Variants in BRINP1 observed in about 807,000 individuals in gnomAD.
BRINP1 encodes BMP/retinoic acid inducible neural specific 1.
BRINP1 carries 17 observed loss-of-function variants against 72.9 expected under a neutral mutation model. The ratio of observed to expected loss-of-function variants is 0.23; its 90% CI spans 0.16 to 0.35. The LOEUF (loss-of-function observed/expected upper bound fraction) is 0.35, where lower values mean the gene tolerates loss of function less well. Among genes scored for constraint, BRINP1 ranks in the 10% least tolerant of loss-of-function variants. The pLI is 1.00. For missense variants in BRINP1, 850 were observed against 1,001.6 expected, an observed-to-expected ratio of 0.85 and a Z score of 2.04; for synonymous variants, 418 against 378.5, an observed-to-expected ratio of 1.10 and a Z score of -1.21.
In BRINP1 at chr9:119,239,217, C is replaced by T. The variant is rs544829654; in HGVS notation, c.580-457G>A. ...TGAGACCAGGTACGATGGGTCTAAA[C>T]GCCTGGCACATGGCATGTGTTCCAT... On this transcript the variant is annotated intron_variant, in intron 4 of 7. Transcript: ENST00000265922. Among the ~76,000 whole-genome samples the T allele has an allele frequency of 1.2e-3, 182 of 152,290 alleles. 1 individual carries two copies. The Middle Eastern group carries it at 0.014, about 11-fold the overall frequency.
chr9:119,282,593 G>T (rs1261172838), intron 2 of BRINP1, among the ~76,000 whole-genome samples: 1 of 152,182 alleles, frequency 6.6e-6, no homozygotes, highest in Non-Finnish European at 1.5e-5. Context: ...ACAAATTAAA[G>T]AAGAGTAGCA....
In BRINP1 at chr9:119,316,941, A is replaced by C. The variant is rs143310746; in HGVS notation, c.-50-3536T>G. 1.1e-3 allele frequency among the ~76,000 whole-genome samples: 165 copies of C among 149,146 alleles called. 2 individuals carry two copies. Among genetic ancestry groups the C allele is most frequent in the African/African-American group, 4.1e-3 (159 of 38,626 alleles). ...CCCCGCCTCTACTAAAAATACAAAA[A>C]TTAGCTGGGCATGGTGGTGCGCACC... On this transcript the variant is annotated intron_variant, in intron 1 of 7. Coordinates refer to ENST00000265922, the MANE Select transcript of BRINP1 (RefSeq NM_014618.3).
At chr9:119,237,580 TCTCAATC>T (rs1830204664) in intron 5 of BRINP1, among the ~76,000 whole-genome samples, 1 of 151,890 alleles carries the variant, frequency 6.6e-6, no homozygotes, top group African/African-American at 2.4e-5. Context: ...GCCAGGATGG[TCTCAATC>T]TCCTGACCTC....
chr9:119,206,789 C>G (rs1434216595), intron 7 of BRINP1, among the ~76,000 whole-genome samples: 1 of 152,150 alleles, frequency 6.6e-6, no homozygotes, highest in Non-Finnish European at 1.5e-5. Flanking sequence ...CGATGCAGGT[C>G]TCATGGCAGA....
At chr9:119,193,384 C>G (rs781726709) in intron 7 of BRINP1, among the ~76,000 whole-genome samples, 1 of 151,890 alleles carries the variant, frequency 6.6e-6, no homozygotes, top group Non-Finnish European at 1.5e-5. Flanking sequence ...AGCTCAAATA[C>G]ACAGAGACAG....
chr9:119,362,177 T>C (rs1469150349), intron 1 of BRINP1, among the ~76,000 whole-genome samples: 1 of 151,394 alleles, frequency 6.6e-6, no homozygotes, highest in Non-Finnish European at 1.5e-5. Flanking sequence ...AGCTGGGCCC[T>C]TCTCAATTTA....
intron 1 of BRINP1, among the ~76,000 whole-genome samples, chr9:119,358,530 C>A (rs1831595310): frequency 6.6e-6 from 1 of 152,024 alleles, no homozygotes; most frequent in South Asian, 2.1e-4. Flanking sequence ...CCCGTATCTA[C>A]CAAAATATAA....
Position 119,283,949 on chromosome 9 carries a change from C to T in BRINP1, c.218+29189G>A, listed in dbSNP as rs140599876. ...TGTTTAAATACAGCCCTTGGACCAC[C>T]ACCAGCAGCATCTGGTGAGTTTCAG... On this transcript the variant is annotated intron_variant, in intron 2 of 7. Transcript: ENST00000265922. Among the ~76,000 whole-genome samples, 973 of 152,282 alleles carry T rather than the reference C, an allele frequency of 6.4e-3. 11 individuals carry two copies. The highest frequency in any genetic ancestry group is 0.022 in the African/African-American group (897 of 41,556).
In BRINP1 at chr9:119,313,335, C is replaced by A. The variant is rs1831088525; in HGVS notation, c.21G>T (p.Glu7Asp). The A allele has an allele frequency of 6.2e-7, 1 of 1,613,766 alleles. No homozygotes were observed. ...CCCATATAAACAGGAAGTAGAGGAG[C>A]TCAACAAACCTCCAGTTCATGCTTT... The part of the protein sequence containing the change: MNWRFV[E>D]LLYFLFIWGR... Residue 7 changes from glutamate (E) to aspartate (D), a missense_variant, in exon 2 of 8, where the codon GAG becomes GAT. Coordinates refer to ENST00000265922, the MANE Select transcript of BRINP1 (RefSeq NM_014618.3).
At chr9:119,236,411 A>G (rs1344708762) in intron 5 of BRINP1, among the ~76,000 whole-genome samples, 1 of 152,224 alleles carries the variant, frequency 6.6e-6, no homozygotes, top group Non-Finnish European at 1.5e-5. Context: ...TAGGAAATCA[A>G]GTGTGTATTT....
chr9:119,233,801 A>T (rs1200542657), intron 5 of BRINP1, among the ~76,000 whole-genome samples: 1 of 151,960 alleles, frequency 6.6e-6, no homozygotes, highest in Non-Finnish European at 1.5e-5. Context: ...CCACTACCCC[A>T]TTCCTCTCCC....
intron 6 of BRINP1, among the ~76,000 whole-genome samples, chr9:119,213,024 AC>A (rs147993183): frequency 0.048 from 7,309 of 152,220 alleles, 578 homozygotes; most frequent in African/African-American, 0.17. Context: ...TACAACTTGT[AC>A]CATCTCCTTA....
intron 2 of BRINP1, among the ~76,000 whole-genome samples, chr9:119,271,822 T>A (rs2118952128): frequency 6.6e-6 from 1 of 152,088 alleles, no homozygotes; most frequent in South Asian, 2.1e-4. Flanking sequence ...CGTGCAAATT[T>A]ATTTCTGGAG....
chr9:119,244,581 G>A (rs138282904), intron 3 of BRINP1, among the ~76,000 whole-genome samples: 1,577 of 152,274 alleles, frequency 0.01, 14 homozygotes, highest in Non-Finnish European at 0.017. Context: ...ATGAGGCAGA[G>A]GAAATAAATG....
intron 1 of BRINP1, among the ~76,000 whole-genome samples, chr9:119,313,607 G>A (rs1486307182): frequency 1.3e-5 from 2 of 152,056 alleles, no homozygotes; most frequent in African/African-American, 4.8e-5. Context: ...AGAATCTATG[G>A]AAATCTGGGC....
At chr9:119,269,021 A>G (rs972740031) in intron 2 of BRINP1, among the ~76,000 whole-genome samples, 20 of 152,238 alleles carry the variant, frequency 1.3e-4, no homozygotes, top group African/African-American at 4.8e-4. Context: ...GTGACTTTGC[A>G]GTGGTCACAT....
rs575490802 is a variant in BRINP1, at chr9:119,214,165, A to G, written c.686-10T>C. 12 of 1,591,458 alleles carry G rather than the reference A, an allele frequency of 7.5e-6. No individual in the cohort carries two copies. The South Asian group carries it at 1.1e-4, about 15-fold the overall frequency. On this transcript the variant is annotated splice_polypyrimidine_tract_variant and intron_variant, in intron 5 of 7. Coordinates refer to ENST00000265922, the MANE Select transcript of BRINP1 (RefSeq NM_014618.3). ...AAGATTATCTGAAGACCTGTGTGAG[A>G]ATAGCAAGAAGGGAAAACAGAAAGG... is the stretch of plus-strand genomic sequence containing the variant.
At chr9:119,204,505 C>T (rs564096117) in intron 7 of BRINP1, among the ~76,000 whole-genome samples, 1 of 152,208 alleles carries the variant, frequency 6.6e-6, no homozygotes, top group Non-Finnish European at 1.5e-5. Context: ...CCTTTCTGTG[C>T]CTCAGTTCCT....
chr9:119,172,478 G>A (rs1339612226), intron 7 of BRINP1, among the ~76,000 whole-genome samples: 1 of 151,888 alleles, frequency 6.6e-6, no homozygotes, highest in Non-Finnish European at 1.5e-5. Flanking sequence ...CTGAAATTGT[G>A]GCAATAATCA....
Sources: gnomAD v4.1 joint callset for allele counts (sites outside exome capture counted in the v4.1 genomes callset) on GRCh38, gnomAD v4.1.1 for gene constraint, MANE v1.5 for transcripts, NCBI Gene and HGNC (gene_info 2026-07-23, HGNC 2026-07-21) for gene names.